Variants in OCA2 observed in about 807,000 individuals in gnomAD.
OCA2 encodes the protein OCA2 melanosomal transmembrane protein.
Under a neutral mutation model 100.2 loss-of-function variants are expected in OCA2, and 77 were observed. That is an observed-to-expected ratio of 0.77 (90% confidence interval 0.64 to 0.93). OCA2 has a LOEUF of 0.93. OCA2 is among the 40% of genes least tolerant of loss of function. The pLI is 0.00. For missense variants in OCA2, 1,062 were observed against 1,089.1 expected (o/e 0.98, Z 0.35); for synonymous variants, 432 against 439.2 (o/e 0.98, Z 0.21).
At chr15:28,018,640 G>C in intron 6 of OCA2, 83 bp from the exon 7 acceptor site, 1 of 1,299,718 alleles carries the variant, frequency 7.7e-7, no homozygotes, top group Non-Finnish European at 1.1e-6. Context: ...ACCCTCCTCT[G>C]ACAGTGTGTG....
At position 27,781,703 on chromosome 15, in the gene OCA2, C is replaced by A. The variant is rs576031781; in HGVS notation, c.2433-26231G>T. Among the ~76,000 whole-genome samples, 222 of 152,148 alleles carry A rather than the reference C, an allele frequency of 1.5e-3. 1 individual carries two copies. The highest frequency in any genetic ancestry group is 5.3e-3 in the African/African-American group (218 of 41,496). On this transcript the variant is annotated intron_variant, in intron 23 of 23. Coordinates refer to ENST00000354638, the MANE Select transcript of OCA2 (RefSeq NM_000275.3). ...TGCTATTTACTCTCTGGTAAATTTA[C>A]CATATGGTAAATACCAGAAAGTAAA... is the stretch of plus-strand genomic sequence containing the variant.
At chr15:27,883,215 C>T (rs1332536248) in intron 19 of OCA2, among the ~76,000 whole-genome samples, 2 of 152,184 alleles carry the variant, frequency 1.3e-5, no homozygotes, top group Non-Finnish European at 2.9e-5. Flanking sequence ...TGAAGACTGG[C>T]TCTAGGGAGA....
intron 23 of OCA2, among the ~76,000 whole-genome samples, chr15:27,801,384 T>G (rs550164569): frequency 6.6e-6 from 1 of 151,828 alleles, no homozygotes; most frequent in African/African-American, 2.4e-5. Context: ...AAACCCCATC[T>G]CTACTAAAAA....
At position 27,983,377 on chromosome 15, in the gene OCA2, T is replaced by G; in HGVS notation, c.1471A>C (p.Ile491Leu). ...CTCAGCTCTTGGTTGGAAACAATAA[T>G]GACATTTGGAGGGTCCCCGATGGCA... ...ATAIGDPPNV[I>L]IVSNQELRKM... Residue 491 changes from isoleucine to leucine, a missense_variant, in exon 14 of 24, where the codon ATT (isoleucine) becomes CTT (leucine). By Grantham distance (5) the Ile-to-Leu change is conservative. Coordinates refer to ENST00000354638, the MANE Select transcript of OCA2 (RefSeq NM_000275.3). The G allele has an allele frequency of 6.2e-7, 1 of 1,614,180 alleles. No homozygotes were observed. The highest frequency in any genetic ancestry group is 8.5e-7 in the Non-Finnish European group (1 of 1,180,036).
chr15:27,889,990 T>C (rs956101627), intron 19 of OCA2, among the ~76,000 whole-genome samples: 4 of 152,092 alleles, frequency 2.6e-5, no homozygotes, highest in African/African-American at 9.7e-5. Flanking sequence ...GTACCAGCAT[T>C]TGGGGTCTGA....
At chr15:27,854,915 G>A (rs2035897755) in intron 21 of OCA2, among the ~76,000 whole-genome samples, 1 of 152,176 alleles carries the variant, frequency 6.6e-6, no homozygotes, top group South Asian at 2.1e-4. Context: ...AGTATCAAGG[G>A]AGGAGGCAAT....
At chr15:27,830,012 C>T (rs2034890734) in intron 23 of OCA2, among the ~76,000 whole-genome samples, 1 of 152,188 alleles carries the variant, frequency 6.6e-6, no homozygotes, top group Non-Finnish European at 1.5e-5. Context: ...AGGTTTATTA[C>T]AATCCCAATC....
intron 18 of OCA2, among the ~76,000 whole-genome samples, chr15:27,946,680 A>G (rs188447158): frequency 6.3e-4 from 96 of 152,266 alleles, no homozygotes; most frequent in Non-Finnish European, 8.8e-4. Context: ...GTTTTATCAG[A>G]AGGAAAAGTT....
intron 19 of OCA2, among the ~76,000 whole-genome samples, chr15:27,877,608 T>C (rs1426512578): frequency 6.6e-6 from 1 of 152,026 alleles, no homozygotes; most frequent in African/African-American, 2.4e-5. Context: ...GTTTATTCTA[T>C]GCCACTTTGG....
Position 27,876,929 on chromosome 15 carries a change from T to C in OCA2, c.2080-5007A>G, listed in dbSNP as rs984027517. 5.9e-5 allele frequency among the ~76,000 whole-genome samples: 9 copies of C among 151,900 alleles called. No homozygotes were observed. The South Asian group carries it at 1.2e-3, about 21-fold the overall frequency. On this transcript the variant is annotated intron_variant, in intron 19 of 23. Coordinates refer to ENST00000354638, the MANE Select transcript of OCA2 (RefSeq NM_000275.3). ...TATGGTTATTAGTTTCTTCTTCCTA[T>C]GTATTTTAGTTTTACTTTCCATTCC...
chr15:27,945,480 G>A (rs892444657), intron 18 of OCA2, among the ~76,000 whole-genome samples: 1 of 152,172 alleles, frequency 6.6e-6, no homozygotes, highest in African/African-American at 2.4e-5. Context: ...GAGCACTGCA[G>A]ATGCCGGGGT....
intron 23 of OCA2, among the ~76,000 whole-genome samples, chr15:27,842,569 A>G (rs563318382): frequency 1.6e-4 from 24 of 152,312 alleles, no homozygotes; most frequent in African/African-American, 5.5e-4. Flanking sequence ...CTGGGCAAAA[A>G]CTGCTCTGAT....
chr15:27,916,783 T>C (rs1473320500), intron 19 of OCA2, among the ~76,000 whole-genome samples: 1 of 152,122 alleles, frequency 6.6e-6, no homozygotes, highest in Non-Finnish European at 1.5e-5. Context: ...CTCCAACTGT[T>C]TTCCAAAAAA....
chr15:27,849,346 C>T (rs557305876), intron 22 of OCA2, among the ~76,000 whole-genome samples: 21 of 152,296 alleles, frequency 1.4e-4, no homozygotes, highest in African/African-American at 4.1e-4. Flanking sequence ...TCACTCTCCA[C>T]GCTCACTTCA....
intron 23 of OCA2, among the ~76,000 whole-genome samples, chr15:27,762,286 A>G (rs943773282): frequency 6.6e-6 from 1 of 152,050 alleles, no homozygotes; most frequent in Non-Finnish European, 1.5e-5. Flanking sequence ...CCACTATGGT[A>G]TTTTTCCATA....
chr15:28,080,787 G>A (rs997137558), intron 2 of OCA2, among the ~76,000 whole-genome samples: 14 of 152,238 alleles, frequency 9.2e-5, no homozygotes, highest in African/African-American at 2.9e-4. Context: ...CTACTCATAG[G>A]ATGCTGCTTT....
At chr15:28,089,918 T>G (rs2044843923) in intron 1 of OCA2, among the ~76,000 whole-genome samples, 1 of 152,062 alleles carries the variant, frequency 6.6e-6, no homozygotes, top group Non-Finnish European at 1.5e-5. Flanking sequence ...TGTAACAACC[T>G]GCACATGTAG....
At chr15:27,738,070 T>C in the OCA2 span, among the ~76,000 whole-genome samples, 845 of 152,310 alleles carry the variant, frequency 5.5e-3, 7 homozygotes, top group African/African-American at 0.019. Flanking sequence ...CTGGTGGGAG[T>C]ATAAAGTAAC....
In OCA2 at chr15:27,815,229, G is replaced by A. The variant is rs936793578; in HGVS notation, c.2432+29730C>T. Among the ~76,000 whole-genome samples, 7 of 152,126 alleles carry A rather than the reference G, an allele frequency of 4.6e-5. 1 individual carries two copies. In the East Asian group the frequency reaches 5.8e-4, roughly 13 times the overall value. On this transcript the variant is annotated intron_variant, in intron 23 of 23. Transcript: ENST00000354638. ...TCTGCCCAGGTGAACTCTGTGGTGC[G>A]TCACAGCAGAAGAGACTGGGCCAAC...
Sources: allele counts gnomAD v4.1 joint callset (sites outside exome capture counted in the v4.1 genomes callset), GRCh38; gene constraint gnomAD v4.1.1; transcripts MANE v1.5; gene names NCBI Gene and HGNC (gene_info 2026-07-23, HGNC 2026-07-21).